The following SYCP2 variants were observed in gnomAD, a reference collection of about 807,000 sequenced individuals.
SYCP2 encodes synaptonemal complex lateral element protein.
SYCP2 carries 55 observed loss-of-function variants against 211.3 expected under a neutral mutation model. That is an observed-to-expected ratio of 0.26 (90% CI 0.21 to 0.33). The LOEUF is 0.33. Ranked by LOEUF, SYCP2 falls within the 10% of genes least tolerant of loss-of-function variation. SYCP2 has a pLI of 1.00. For synonymous variants in SYCP2, 570 were observed against 555.2 expected, an observed-to-expected ratio of 1.03 and a Z score of -0.37; for missense variants, 1,731 against 1,752.0, an observed-to-expected ratio of 0.99 and a Z score of 0.21.
chr20:59,918,755 T>C (rs567059641), intron 7 of SYCP2, among the ~76,000 whole-genome samples: 2 of 152,194 alleles, frequency 1.3e-5, no homozygotes, highest in East Asian at 3.9e-4. Context: ...GATTAACAAA[T>C]GAACATTTAC....
At chr20:59,920,991 G>C (rs770665654) in intron 4 of SYCP2, among the ~76,000 whole-genome samples, 3 of 151,526 alleles carry the variant, frequency 2.0e-5, no homozygotes, top group Non-Finnish European at 4.4e-5. Context: ...TACACTGATA[G>C]GTTTTTTTTA....
chr20:59,868,823 A>G lies in SYCP2; in HGVS notation c.3832+12T>C. 1 of 1,589,052 alleles carries G rather than the reference A, an allele frequency of 6.3e-7. No homozygotes were observed. Among genetic ancestry groups the G allele is most frequent in the Non-Finnish European group, 8.6e-7 (1 of 1,169,432 alleles). ...TAATCATTTTTTAAAAAGCAAGACTATGACTACAAACCTGATACATGAGTA... is the reference window on the plus strand; with the variant it reads ...TAATCATTTTTTAAAAAGCAAGACTGTGACTACAAACCTGATACATGAGTA... On this transcript the variant is annotated intron_variant, in intron 37 of 44. Coordinates refer to ENST00000357552, the MANE Select transcript of SYCP2 (RefSeq NM_014258.4).
Position 59,920,406 on chromosome 20 carries a change from C to T in SYCP2, c.250G>A (p.Gly84Arg), listed in dbSNP as rs1430868034. 2.5e-6 allele frequency: 4 copies of T among 1,609,766 alleles called. No individual in the cohort carries two copies. Among genetic ancestry groups the T allele is most frequent in the African/African-American group, 2.7e-5 (2 of 74,698 alleles). ...GRCGKNISVL[G>R]QAGLLTMIKQ... ...ATCATCGTTAGAAGTCCAGCTTGCCCCAATACACTGATATTTTTGCCACAT... is the reference window on the plus strand; with the variant it reads ...ATCATCGTTAGAAGTCCAGCTTGCCTCAATACACTGATATTTTTGCCACAT... The change falls in exon 5 of 45, where the codon GGG (glycine) becomes AGG (arginine). Residue 84 changes from glycine to arginine, a missense_variant. Gly to Arg is a moderately radical substitution (Grantham distance 125, BLOSUM62 -2). Around this residue, in one of 3 missense-constraint regions of SYCP2, gnomAD observed 335 missense variants for 378.8 expected, o/e 0.88. Coordinates refer to ENST00000357552, the MANE Select transcript of SYCP2 (RefSeq NM_014258.4).
Position 59,900,803 on chromosome 20 carries a change from G to C in SYCP2, c.1198C>G (p.Gln400Glu). Residue 400 changes from glutamine (Q) to glutamate (E), a missense_variant, in exon 17 of 45, where the codon CAA (glutamine) becomes GAA (glutamate). Coordinates refer to ENST00000357552, the MANE Select transcript of SYCP2 (RefSeq NM_014258.4). ...ATKHRESIRKQGISVAKTSLH... is the reference protein window; with the variant it reads ...ATKHRESIRKEGISVAKTSLH... ...GACGTTTTGGCAACTGAAATACCTT[G>C]TTTTCTGATAGATTCCTAAAATTAA... 6.2e-7 allele frequency: 1 copy of C among 1,611,006 alleles called. No individual in the cohort carries two copies. Among genetic ancestry groups the C allele is most frequent in the Non-Finnish European group, 8.5e-7 (1 of 1,177,834 alleles).
intron 15 of SYCP2, among the ~76,000 whole-genome samples, chr20:59,906,862 G>A (rs1375899123): frequency 6.6e-6 from 1 of 151,550 alleles, no homozygotes; most frequent in East Asian, 1.9e-4. Flanking sequence ...ACTTTACAAA[G>A]GAAAATATAT....
chr20:59,899,169 G>C (rs1037007473), intron 18 of SYCP2, among the ~76,000 whole-genome samples: 2 of 152,116 alleles, frequency 1.3e-5, no homozygotes, highest in Admixed American at 6.6e-5. Flanking sequence ...AATGGCAGAT[G>C]AAACAAGAAA....
At chr20:59,929,915 G>C (rs183423015) in intron 2 of SYCP2, among the ~76,000 whole-genome samples, 28 of 151,980 alleles carry the variant, frequency 1.8e-4, no homozygotes, top group Admixed American at 8.5e-4. Flanking sequence ...GAATACAATT[G>C]ATTAAATTAA....
chr20:59,895,671 G>A (rs2059994880), intron 19 of SYCP2, 74 bp from the exon 20 acceptor site: 1 of 1,524,590 alleles, frequency 6.6e-7, no homozygotes, highest in African/African-American at 1.4e-5. Flanking sequence ...TTTCCAATGA[G>A]AAAGGTAAGA....
At chr20:59,872,906 CAG>C (rs1214412173) in intron 35 of SYCP2, among the ~76,000 whole-genome samples, 4 of 151,958 alleles carry the variant, frequency 2.6e-5, no homozygotes, top group Admixed American at 2.0e-4. Flanking sequence ...TAGTTGAAAA[CAG>C]TGTAATTACA....
chr20:59,879,848 TATATATATATATATAC>T lies in SYCP2; in HGVS notation c.2941+439_2941+454del, dbSNP rs1568922003. Among the ~76,000 whole-genome samples, 251 of 104,254 alleles carry T rather than the reference TATATATATATATATAC, an allele frequency of 2.4e-3. 1 individual carries two copies. The highest frequency in any genetic ancestry group is 7.2e-3 in the African/African-American group (162 of 22,364). The allele number at this position is 104,254 out of a possible 152,430, so 68.4% of individuals were successfully genotyped here. A position where few individuals can be genotyped will look rare whatever the true frequency, so the allele number is the denominator to read the frequency against. On this transcript the variant is annotated intron_variant, in intron 31 of 44. Transcript: ENST00000357552. Reference sequence around the variant, plus strand: ...ATATATATATATATATATATATATATATATATATATATATACACACACACACACACAAACATATAAA... The same window carrying T: ...ATATATATATATATATATATATATATACACACACACACACAAACATATAAA...
chr20:59,921,520 T>A, intron 3 of SYCP2, 67 bp from the exon 4 acceptor site: 3 of 1,187,636 alleles, frequency 2.5e-6, no homozygotes, highest in South Asian at 4.8e-5. Context: ...TGCAATCTAG[T>A]AATTTGAGAA....
At chr20:59,928,222 A>T (rs2060669401) in intron 2 of SYCP2, among the ~76,000 whole-genome samples, 1 of 152,218 alleles carries the variant, frequency 6.6e-6, no homozygotes, top group Non-Finnish European at 1.5e-5. Context: ...CAACATAAAT[A>T]TCTACAGTGT....
intron 22 of SYCP2, 91 bp downstream of exon 22, chr20:59,893,051 T>C (rs2059938193): frequency 8.0e-6 from 7 of 875,564 alleles, no homozygotes; most frequent in Non-Finnish European, 1.2e-5. Context: ...CTAATTCTAA[T>C]CATATACAGT....
At chr20:59,908,201 A>G (rs1359736158) in intron 14 of SYCP2, among the ~76,000 whole-genome samples, 4 of 152,224 alleles carry the variant, frequency 2.6e-5, no homozygotes, top group Admixed American at 2.0e-4. Context: ...GTGAGCCAAG[A>G]TCGCACCACT....
At chr20:59,893,272 G>T (rs184836361) in intron 21 of SYCP2, 73 bp from the exon 22 acceptor site, 111 of 1,040,638 alleles carry the variant, frequency 1.1e-4, no homozygotes, top group Admixed American at 5.1e-4. Flanking sequence ...GGTTAGTATA[G>T]AAATCTATAA....
chr20:59,878,085 T>C lies in SYCP2; in HGVS notation c.2942-40A>G, dbSNP rs1406547396. The C allele has an allele frequency of 2.3e-6, 3 of 1,299,376 alleles. No individual in the cohort carries two copies. In the South Asian group the frequency reaches 3.8e-5, roughly 16 times the overall value. 80.5% of individuals were successfully genotyped at this position (1,299,376 alleles called of 1,614,324 possible). ...AATAAGGTTAAATTTTCACAGTAAA[T>C]AAGAATAGGCATTAAATTTATTAGA... On this transcript the variant is annotated intron_variant, in intron 31 of 44. Transcript: ENST00000357552.
chr20:59,898,673 C>T (rs531594448), intron 18 of SYCP2, among the ~76,000 whole-genome samples: 5 of 152,044 alleles, frequency 3.3e-5, no homozygotes, highest in Non-Finnish European at 5.9e-5. Context: ...AACAAACTTG[C>T]ATGTTCTGCA....
chr20:59,932,869 G>A (rs1427733904), intron 1 of SYCP2, among the ~76,000 whole-genome samples: 1 of 152,120 alleles, frequency 6.6e-6, no homozygotes, highest in East Asian at 1.9e-4. Flanking sequence ...GACGGCGGGA[G>A]GGAGAGAAGG....
chr20:59,868,405 C>A lies in SYCP2; in HGVS notation c.3988+8G>T, dbSNP rs1356444499. 6.2e-7 allele frequency: 1 copy of A among 1,607,092 alleles called. No homozygotes were observed. On this transcript the variant is annotated splice_region_variant and intron_variant, in intron 38 of 44. Transcript: ENST00000357552. The stretch of plus-strand genomic sequence containing the variant: ...CTGCATTTTGATACAGGCTACTGAT[C>A]TACCTACTTTTGTGGATATGATGAT...
Sources: gnomAD v4.1 joint callset for allele counts (sites outside exome capture counted in the v4.1 genomes callset) on GRCh38, gnomAD v4.1.1 for gene constraint, gnomAD v4.1.1 regional missense constraint, MANE v1.5 for transcripts, NCBI Gene and HGNC (gene_info 2026-07-23, HGNC 2026-07-21) for gene names.